SV2C: variants seen among roughly 807,000 people sequenced by gnomAD.
SV2C encodes synaptic vesicle glycoprotein 2C, also known as solute carrier family 22 member B3.
A neutral mutation model predicts 79.7 loss-of-function variants in SV2C; 49 were observed. The observed-to-expected ratio is 0.61, with a 90% CI of 0.49 to 0.78. SV2C has a LOEUF of 0.78. Among genes scored for constraint, SV2C ranks in the 30% least tolerant of loss-of-function variants. SV2C has a pLI of 0.00. For missense variants in SV2C, 833 were observed against 912.9 expected (o/e 0.91, Z 1.13); for synonymous variants, 334 against 333.2 (o/e 1.00, Z -0.03).
chr5:76,212,162 G>A (rs1312919742), intron 4 of SV2C, among the ~76,000 whole-genome samples: 2 of 152,106 alleles, frequency 1.3e-5, no homozygotes, highest in African/African-American at 4.8e-5. Flanking sequence ...CGGTAGAGCA[G>A]CATCTAACTC....
intron 2 of SV2C, among the ~76,000 whole-genome samples, chr5:76,194,643 C>T (rs921481340): frequency 3.9e-5 from 6 of 152,212 alleles, no homozygotes; most frequent in African/African-American, 1.2e-4. Context: ...TTGCTCACAA[C>T]ATTCACCATT....
intron 2 of SV2C, among the ~76,000 whole-genome samples, chr5:76,186,699 C>CAAACAAAT (rs1436869769): frequency 2.0e-5 from 3 of 151,858 alleles, no homozygotes; most frequent in African/African-American, 7.3e-5. Flanking sequence ...CTCAAACAAA[C>CAAACAAAT]AAACAAAGAC....
the SV2C span, among the ~76,000 whole-genome samples, chr5:75,889,887 G>A: frequency 1.3e-5 from 2 of 152,152 alleles, no homozygotes; most frequent in Non-Finnish European, 2.9e-5. Flanking sequence ...GGATTGAGCA[G>A]TGGTGTCTGG....
the SV2C span, chr5:75,920,893 T>TCAGCAGGCC: frequency 1.1e-5 from 8 of 753,308 alleles, no homozygotes; most frequent in African/African-American, 5.1e-5. Context: ...AAGGTCAGGG[T>TCAGCAGGCC]CAGCAGGCCC....
the SV2C span, among the ~76,000 whole-genome samples, chr5:75,899,847 T>C: frequency 2.6e-4 from 39 of 152,256 alleles, no homozygotes; most frequent in African/African-American, 9.4e-4. Context: ...TTTTGATCTT[T>C]GTTGGTTTAA....
At chr5:75,849,047 C>T in the SV2C span, among the ~76,000 whole-genome samples, 1 of 152,230 alleles carries the variant, frequency 6.6e-6, no homozygotes, top group South Asian at 2.1e-4. Context: ...ATCCCCACCC[C>T]CACCAGCCCC....
At chr5:76,141,051 A>G (rs1221277241) in intron 2 of SV2C, among the ~76,000 whole-genome samples, 1 of 152,156 alleles carries the variant, frequency 6.6e-6, no homozygotes, top group Admixed American at 6.5e-5. Flanking sequence ...ATGGTCCTGG[A>G]TCTTATTTCC....
the SV2C span, among the ~76,000 whole-genome samples, chr5:75,890,979 G>A: frequency 3.9e-5 from 6 of 152,060 alleles, no homozygotes; most frequent in Admixed American, 2.0e-4. Flanking sequence ...TCTGAGCAAC[G>A]TTGCTGTGTT....
chr5:76,011,908 G>A, the SV2C span, among the ~76,000 whole-genome samples: 1 of 152,114 alleles, frequency 6.6e-6, no homozygotes, highest in African/African-American at 2.4e-5. Flanking sequence ...ATGGTTTTCA[G>A]CTTCATCGAT....
chr5:76,118,463 A>T (rs1748355019), intron 1 of SV2C, among the ~76,000 whole-genome samples: 2 of 152,234 alleles, frequency 1.3e-5, no homozygotes, highest in Admixed American at 1.3e-4. Flanking sequence ...AAACCTCAAT[A>T]CAAAAATGGG....
the SV2C span, among the ~76,000 whole-genome samples, chr5:75,998,765 A>G: frequency 1.3e-5 from 2 of 151,986 alleles, no homozygotes; most frequent in African/African-American, 4.8e-5. Flanking sequence ...AGTCTCCATA[A>G]TCACATGAGC....
chr5:76,225,230 A>T (rs1355209959), intron 4 of SV2C, among the ~76,000 whole-genome samples: 2 of 152,214 alleles, frequency 1.3e-5, no homozygotes, highest in African/African-American at 2.4e-5. Flanking sequence ...CTTCTCAATG[A>T]TGGAAGGGGC....
chr5:75,952,980 GA>G, the SV2C span, among the ~76,000 whole-genome samples: 1 of 151,834 alleles, frequency 6.6e-6, no homozygotes, highest in Non-Finnish European at 1.5e-5. Flanking sequence ...CACTATCTTA[GA>G]CCATTTGTGT....
the SV2C span, among the ~76,000 whole-genome samples, chr5:76,063,795 T>C: frequency 6.6e-6 from 1 of 152,200 alleles, no homozygotes; most frequent in African/African-American, 2.4e-5. Context: ...CACAGTTTTA[T>C]AACCTTGCCT....
At chr5:75,972,304 A>G in the SV2C span, among the ~76,000 whole-genome samples, 4 of 152,166 alleles carry the variant, frequency 2.6e-5, no homozygotes, top group African/African-American at 9.7e-5. Context: ...AGCGATGGAC[A>G]ACAAAAGCCA....
At chr5:76,119,392 A>G (rs7720972) in intron 1 of SV2C, among the ~76,000 whole-genome samples, 7,074 of 152,292 alleles carry the variant, frequency 0.046, 543 homozygotes, top group African/African-American at 0.16. Flanking sequence ...CTCAGATGCC[A>G]GAAGTGGAAA....
chr5:75,960,149 C>G, the SV2C span, among the ~76,000 whole-genome samples: 1 of 151,992 alleles, frequency 6.6e-6, no homozygotes, highest in Admixed American at 6.6e-5. Context: ...ATGAAAAAAT[C>G]CTAGAAACTC....
chr5:75,870,130 A>G, the SV2C span, among the ~76,000 whole-genome samples: 5 of 152,130 alleles, frequency 3.3e-5, no homozygotes, highest in African/African-American at 1.2e-4. Context: ...AGCACCATCC[A>G]GGAAAACATG....
At chr5:75,979,017 C>G in the SV2C span, among the ~76,000 whole-genome samples, 4 of 152,034 alleles carry the variant, frequency 2.6e-5, no homozygotes, top group African/African-American at 4.8e-5. Flanking sequence ...CACACGTAGC[C>G]TCTAAATAAA....
Sources: allele counts gnomAD v4.1 joint callset (sites outside exome capture counted in the v4.1 genomes callset), GRCh38; gene constraint gnomAD v4.1.1; transcripts MANE v1.5; gene names NCBI Gene and HGNC (gene_info 2026-07-23, HGNC 2026-07-21).